Variants in AP5S1 observed in about 807,000 individuals in gnomAD.
The protein encoded by AP5S1 is adaptor related protein complex 5 subunit sigma 1, also known as AP-5 complex subunit sigma-1.
Under a neutral mutation model 13.9 loss-of-function variants are expected in AP5S1, and 13 were observed. The ratio of observed to expected loss-of-function variants is 0.94; its 90% CI spans 0.61 to 1.49. The LOEUF (loss-of-function observed/expected upper bound fraction) is 1.49. Ranked by LOEUF, AP5S1 falls within the 40% of genes most tolerant of loss-of-function variation. The pLI is 0.00. For synonymous variants in AP5S1, 132 were observed against 121.8 expected (o/e 1.08, Z -0.55); for missense variants, 292 against 272.3 (o/e 1.07, Z -0.51).
intron 2 of AP5S1, chr20:3,823,603 G>T (rs2089600431): frequency 2.0e-6 from 2 of 985,368 alleles, no homozygotes; most frequent in Non-Finnish European, 2.4e-6. Flanking sequence ...GCAGGTGAGG[G>T]CAGGATCTTC....
rs184756026 is a variant in AP5S1, at chr20:3,828,820, A to C, written c.*4523A>C. The C allele has an allele frequency of 1.3e-5, 2 of 152,252 alleles. No individual in the cohort carries two copies. Among genetic ancestry groups the C allele is most frequent in the African/African-American group, 4.8e-5 (2 of 41,470 alleles). The allele number at this position is 152,252 out of a possible 1,614,324, so 9.4% of individuals were successfully genotyped here. On this transcript the variant is annotated 3_prime_UTR_variant, in exon 3 of 3. Transcript: ENST00000615891. ...TTGCTTCCAAGTTTTGGCAATTATG[A>C]ATACAACTGCTACAAACATTTGTGT...
In AP5S1 at chr20:3,827,217, T is replaced by C. The variant is rs1237324216; in HGVS notation, c.*2920T>C. On this transcript the variant is annotated 3_prime_UTR_variant, in exon 3 of 3. Transcript: ENST00000615891. ...ACAACAGATGATGACAGGAGGGCAG[T>C]AGAGCCCAGAGAAGAGAGCTTACCT... is the stretch of plus-strand genomic sequence containing the variant. 3 of 152,298 alleles carry C rather than the reference T, an allele frequency of 2.0e-5. No individual in the cohort carries two copies. The highest frequency in any genetic ancestry group is 2.0e-4 in the Admixed American group (3 of 15,256). 9.4% of individuals were successfully genotyped at this position (152,298 alleles called of 1,614,324 possible). A position where few individuals can be genotyped will look rare whatever the true frequency, so the allele number is the denominator to read the frequency against.
At chr20:3,820,846 G>C (rs971662983) in intron 1 of AP5S1, 88 bp downstream of exon 1, 1 of 152,312 alleles carries the variant, frequency 6.6e-6, no homozygotes. Context: ...CGGCTGGAGG[G>C]TTGCGGAGGT....
rs2089609941 is a variant in AP5S1 at position 3,824,389 on chromosome 20, A to T, written c.*92A>T. On this transcript the variant is annotated 3_prime_UTR_variant, in exon 3 of 3. Transcript: ENST00000615891. Reference sequence around the variant, plus strand: ...ATCTCCCTCCTACCCAGCAGCTCTGATGTGCTGCTATACCAGGACAAGTGG... The same window carrying T: ...ATCTCCCTCCTACCCAGCAGCTCTGTTGTGCTGCTATACCAGGACAAGTGG... The T allele has an allele frequency of 3.9e-6, 5 of 1,273,902 alleles. No individual in the cohort carries two copies. The highest frequency in any genetic ancestry group is 2.1e-5 in the Admixed American group (1 of 47,386). The allele number at this position is 1,273,902 out of a possible 1,614,324, so 78.9% of individuals were successfully genotyped here. A position where few individuals can be genotyped will look rare whatever the true frequency, so the allele number is the denominator to read the frequency against.
intron 2 of AP5S1, among the ~76,000 whole-genome samples, chr20:3,822,744 G>A (rs2089593335): frequency 6.6e-6 from 1 of 152,212 alleles, no homozygotes; most frequent in African/African-American, 2.4e-5. Context: ...GATTAAACAT[G>A]CTTTTCAGTG....
At position 3,823,986 on chromosome 20, in the gene AP5S1, T is replaced by C. The variant is rs556362780; in HGVS notation, c.292T>C (p.Phe98Leu). The change falls in exon 3 of 3, where the codon TTC (phenylalanine) becomes CTC (leucine). Residue 98 changes from phenylalanine (F) to leucine (L), a missense_variant. Coordinates refer to ENST00000615891, the MANE Select transcript of AP5S1 (RefSeq NM_018347.3). Reference sequence around the variant, plus strand: ...GCTGCACGAGGCCCCACGTGGGGCTTTCCGCCTGGCAGCAGAGAACCCTTT... The same window carrying C: ...GCTGCACGAGGCCCCACGTGGGGCTCTCCGCCTGGCAGCAGAGAACCCTTT... ...VPLHEAPRGA[F>L]RLAAENPFQE... is the part of the protein sequence containing the mutation. 1 of 1,612,588 alleles carries C rather than the reference T, an allele frequency of 6.2e-7. No individual in the cohort carries two copies. Among genetic ancestry groups the C allele is most frequent in the African/African-American group, 1.3e-5 (1 of 75,068 alleles).
At chr20:3,822,759 A>G (rs535562897) in intron 2 of AP5S1, among the ~76,000 whole-genome samples, 2 of 152,206 alleles carry the variant, frequency 1.3e-5, no homozygotes, top group Non-Finnish European at 2.9e-5. Context: ...TCAGTGCAGT[A>G]CTTAACAGGG....
In AP5S1 at chr20:3,827,842, A is replaced by G. The variant is rs1600429491; in HGVS notation, c.*3545A>G. On this transcript the variant is annotated 3_prime_UTR_variant, in exon 3 of 3. Coordinates refer to ENST00000615891, the MANE Select transcript of AP5S1 (RefSeq NM_018347.3). ...AGTGGTGCAATCTTGGCTCACTGCA[A>G]CCTCTGCCTCCTGGGTTCAAGCAAT... The G allele has an allele frequency of 6.7e-6, 1 of 150,120 alleles. No homozygotes were observed. Among genetic ancestry groups the G allele is most frequent in the African/African-American group, 2.5e-5 (1 of 40,808 alleles). The allele number at this position is 150,120 out of a possible 1,614,324, so 9.3% of individuals were successfully genotyped here. A position where few individuals can be genotyped will look rare whatever the true frequency, so the allele number is the denominator to read the frequency against.
chr20:3,828,210 A>T lies in AP5S1; in HGVS notation c.*3913A>T, dbSNP rs1430693312. On this transcript the variant is annotated 3_prime_UTR_variant, in exon 3 of 3. Coordinates refer to ENST00000615891, the MANE Select transcript of AP5S1 (RefSeq NM_018347.3). ...TGGCCGTGACCGTTTTCTTAAATAT[A>T]CTTTATTTGTTTAGTGCAATTTTAG... 6.6e-6 allele frequency: 1 copy of T among 152,188 alleles called. No homozygotes were observed. Among genetic ancestry groups the T allele is most frequent in the South Asian group, 2.1e-4 (1 of 4,828 alleles). The allele number at this position is 152,188 out of a possible 1,614,324, so 9.4% of individuals were successfully genotyped here.
rs770090627 is a variant in AP5S1, at chr20:3,822,198, C to T, written c.81C>T (p.Cys27=). Residue 27 remains cysteine (C), a synonymous_variant, in exon 2 of 3, where the codon TGC becomes TGT. Transcript: ENST00000615891. ...DTGLCRVLYS[C]VFGAEKSPDD... ...GCCTTTGCCGAGTGCTGTACTCCTGCGTCTTCGGTGCTGAGAAGTCACCTG... is the reference window on the plus strand; with the variant it reads ...GCCTTTGCCGAGTGCTGTACTCCTGTGTCTTCGGTGCTGAGAAGTCACCTG... The T allele has an allele frequency of 1.9e-6, 3 of 1,614,210 alleles. No homozygotes were observed. The highest frequency in any genetic ancestry group is 1.3e-5 in the African/African-American group (1 of 75,052).
rs2089624764 is a variant in AP5S1, at chr20:3,826,361, C to T, written c.*2064C>T. The T allele has an allele frequency of 6.6e-6, 1 of 152,292 alleles. No individual in the cohort carries two copies. Among genetic ancestry groups the T allele is most frequent in the East Asian group, 1.9e-4 (1 of 5,202 alleles). 9.4% of individuals were successfully genotyped at this position (152,292 alleles called of 1,614,324 possible). A position where few individuals can be genotyped will look rare whatever the true frequency, so the allele number is the denominator to read the frequency against. On this transcript the variant is annotated 3_prime_UTR_variant, in exon 3 of 3. Coordinates refer to ENST00000615891, the MANE Select transcript of AP5S1 (RefSeq NM_018347.3). ...CCCACAGGCCTCTAGTAGGGACACC[C>T]CTTCCCTATACATTCTGTTCTCCTG...
Position 3,824,226 on chromosome 20 carries a change from C to G in AP5S1, c.532C>G (p.Gln178Glu). The G allele has an allele frequency of 6.2e-7, 1 of 1,614,190 alleles. No individual in the cohort carries two copies. Among genetic ancestry groups the G allele is most frequent in the Non-Finnish European group, 8.5e-7 (1 of 1,180,030 alleles). ...GILTRFLPHG[Q>E]LLFLNDQFVQ... ...CCTCACCCGCTTCCTGCCACATGGT[C>G]AGCTGCTTTTCCTCAACGACCAGTT... Residue 178 changes from glutamine to glutamate, a missense_variant, in exon 3 of 3, where the codon CAG becomes GAG. Physicochemically the swap from Gln to Glu is conservative, Grantham distance 29 (BLOSUM62 2). Coordinates refer to ENST00000615891, the MANE Select transcript of AP5S1 (RefSeq NM_018347.3).
In AP5S1 at chr20:3,824,331, A is replaced by G. The variant is rs750050292; in HGVS notation, c.*34A>G. ...TGGGATGGTGCTTCTGAGGGCAGGC[A>G]GAGGGTAGACACACAGCCAGATGAA... On this transcript the variant is annotated 3_prime_UTR_variant, in exon 3 of 3. Transcript: ENST00000615891. 46 of 1,583,658 alleles carry G rather than the reference A, an allele frequency of 2.9e-5. No individual in the cohort carries two copies. The highest frequency in any genetic ancestry group is 2.6e-6 in the Non-Finnish European group (3 of 1,160,166).
In AP5S1 at chr20:3,824,824, CAGGGGGCTGAGTCATGGGAATCACTT is replaced by C. The variant is rs1195663171; in HGVS notation, c.*528_*553del. 1.3e-5 allele frequency: 2 copies of C among 152,476 alleles called. No homozygotes were observed. Among genetic ancestry groups the C allele is most frequent in the Non-Finnish European group, 2.9e-5 (2 of 69,032 alleles). 9.4% of individuals were successfully genotyped at this position (152,476 alleles called of 1,614,324 possible). On this transcript the variant is annotated 3_prime_UTR_variant, in exon 3 of 3. Transcript: ENST00000615891. ...GCGCCCACCTGTAATCCTAGCTGCT[CAGGGGGCTGAGTCATGGGAATCACTT>C]GAACCTGGGAGGCAGAGTTTGCAGT... is the stretch of plus-strand genomic sequence containing the variant.
chr20:3,824,671 G>A lies in AP5S1; in HGVS notation c.*374G>A, dbSNP rs890574217. On this transcript the variant is annotated 3_prime_UTR_variant, in exon 3 of 3. Transcript: ENST00000615891. ...GTCAAGGCCAGGCGCGGTGGCTCAC[G>A]CCTGTAATCCCAGCACTTTGCGGGG... 8 of 239,556 alleles carry A rather than the reference G, an allele frequency of 3.3e-5. No homozygotes were observed. Among genetic ancestry groups the A allele is most frequent in the Non-Finnish European group, 4.9e-5 (6 of 121,586 alleles). The allele number at this position is 239,556 out of a possible 1,614,324, so 14.8% of individuals were successfully genotyped here. A position where few individuals can be genotyped will look rare whatever the true frequency, so the allele number is the denominator to read the frequency against.
chr20:3,824,545 C>T lies in AP5S1; in HGVS notation c.*248C>T. The T allele has an allele frequency of 3.7e-6, 2 of 540,186 alleles. No homozygotes were observed. The highest frequency in any genetic ancestry group is 1.9e-5 in the African/African-American group (1 of 52,946). 33.5% of individuals were successfully genotyped at this position (540,186 alleles called of 1,614,324 possible). The stretch of plus-strand genomic sequence containing the variant: ...TACTTAGACCGCTGCCGTGCGGCAG[C>T]CACGCTTGTCCTTGAACCCACCTTC... On this transcript the variant is annotated 3_prime_UTR_variant, in exon 3 of 3. Transcript: ENST00000615891.
At position 3,825,722 on chromosome 20, in the gene AP5S1, C is replaced by T. The variant is rs1182164167; in HGVS notation, c.*1425C>T. The stretch of plus-strand genomic sequence containing the variant: ...CACAGCAGTTGCCTCTGAATTACCT[C>T]ACCTGAGAGGTGGCGGCTGTGGGTG... On this transcript the variant is annotated 3_prime_UTR_variant, in exon 3 of 3. Coordinates refer to ENST00000615891, the MANE Select transcript of AP5S1 (RefSeq NM_018347.3). The T allele has an allele frequency of 1.3e-5, 2 of 152,176 alleles. No individual in the cohort carries two copies. The highest frequency in any genetic ancestry group is 2.9e-5 in the Non-Finnish European group (2 of 68,094). 9.4% of individuals were successfully genotyped at this position (152,176 alleles called of 1,614,324 possible).
At position 3,824,341 on chromosome 20, in the gene AP5S1, C is replaced by T. The variant is rs963642831; in HGVS notation, c.*44C>T. 15 of 1,558,146 alleles carry T rather than the reference C, an allele frequency of 9.6e-6. No individual in the cohort carries two copies. The South Asian group carries it at 1.8e-4, about 18-fold the overall frequency. On this transcript the variant is annotated 3_prime_UTR_variant, in exon 3 of 3. Coordinates refer to ENST00000615891, the MANE Select transcript of AP5S1 (RefSeq NM_018347.3). ...CTTCTGAGGGCAGGCAGAGGGTAGA[C>T]ACACAGCCAGATGAAGCTTGGCATC...
rs1005110650 is a variant in AP5S1, at chr20:3,826,457, C to T, written c.*2160C>T. The T allele has an allele frequency of 2.0e-5, 3 of 152,228 alleles. No homozygotes were observed. Among genetic ancestry groups the T allele is most frequent in the African/African-American group, 4.8e-5 (2 of 41,442 alleles). The allele number at this position is 152,228 out of a possible 1,614,324, so 9.4% of individuals were successfully genotyped here. A position where few individuals can be genotyped will look rare whatever the true frequency, so the allele number is the denominator to read the frequency against. ...TTCTCAGGGAACAGGCCATTTTGTC[C>T]TCTATGGAAAGGCTCAAGCTTACTG... On this transcript the variant is annotated 3_prime_UTR_variant, in exon 3 of 3. Transcript: ENST00000615891.
Sources: gnomAD v4.1 joint callset for allele counts (sites outside exome capture counted in the v4.1 genomes callset) on GRCh38, gnomAD v4.1.1 for gene constraint, MANE v1.5 for transcripts, NCBI Gene and HGNC (gene_info 2026-07-23, HGNC 2026-07-21) for gene names.